The following GLCCI1 variants were observed in gnomAD, a reference collection of about 807,000 sequenced individuals.
GLCCI1 encodes the protein glucocorticoid-induced transcript 1 protein.
Under a neutral mutation model 52.2 loss-of-function variants are expected in GLCCI1, and 24 were observed. The observed-to-expected ratio is 0.46, with a 90% confidence interval of 0.33 to 0.65. The LOEUF (loss-of-function observed/expected upper bound fraction) is 0.65. GLCCI1 is among the 30% of genes least tolerant of loss of function. The probability of loss-of-function intolerance (pLI) is 0.02; values close to 1 mark genes in which losing one functional copy is unlikely to be tolerated. For synonymous variants in GLCCI1, 310 were observed against 276.5 expected, an observed-to-expected ratio of 1.12 and a Z score of -1.20; for missense variants, 704 against 701.5, an observed-to-expected ratio of 1.00 and a Z score of -0.04.
chr7:8,055,062 T>C (rs970780385), intron 3 of GLCCI1, among the ~76,000 whole-genome samples: 6 of 152,176 alleles, frequency 3.9e-5, no homozygotes, highest in Admixed American at 3.9e-4. Flanking sequence ...ATGTGGTGCA[T>C]ATGTTTAGAG....
chr7:8,021,306 A>G (rs1781479237), intron 2 of GLCCI1, among the ~76,000 whole-genome samples: 1 of 152,254 alleles, frequency 6.6e-6, no homozygotes, highest in South Asian at 2.1e-4. Flanking sequence ...AAAGCTGTAT[A>G]TAGTTACTGT....
chr7:7,987,769 T>A (rs1050177576), intron 1 of GLCCI1, among the ~76,000 whole-genome samples: 4 of 151,866 alleles, frequency 2.6e-5, no homozygotes, highest in African/African-American at 9.7e-5. Flanking sequence ...TTTTTTATTT[T>A]TTATTTTTTT....
chr7:8,086,647 T>A lies in GLCCI1; in HGVS notation c.*109T>A, dbSNP rs1035315437. 8.3e-6 allele frequency: 7 copies of A among 846,196 alleles called. No homozygotes were observed. The highest frequency in any genetic ancestry group is 3.6e-4 in the Middle Eastern group (1 of 2,752). 52.4% of individuals were successfully genotyped at this position (846,196 alleles called of 1,614,324 possible). A position where few individuals can be genotyped will look rare whatever the true frequency, so the allele number is the denominator to read the frequency against. ...ACACCACCACCACCAATAATACTTA[T>A]CAGCATCATAAAGTATCTCTTAAAC... On this transcript the variant is annotated 3_prime_UTR_variant, in exon 8 of 8. Coordinates refer to ENST00000223145, the MANE Select transcript of GLCCI1 (RefSeq NM_138426.4). The surrounding 1 kb of genome is among the most constrained non-coding windows in gnomAD (Gnocchi z 4.4).
chr7:8,064,859 C>T (rs1782596506), intron 5 of GLCCI1, among the ~76,000 whole-genome samples: 1 of 152,090 alleles, frequency 6.6e-6, no homozygotes. Flanking sequence ...AAGCGTGTGC[C>T]ACCATGCCCA....
intron 2 of GLCCI1, among the ~76,000 whole-genome samples, chr7:8,007,385 G>A (rs959219794): frequency 2.6e-5 from 4 of 152,092 alleles, no homozygotes; most frequent in Non-Finnish European, 4.4e-5. Context: ...CGTATTAAGC[G>A]TGAGGACAGT....
intron 6 of GLCCI1, among the ~76,000 whole-genome samples, chr7:8,083,706 C>T (rs1783043476): frequency 6.6e-6 from 1 of 152,014 alleles, no homozygotes; most frequent in Non-Finnish European, 1.5e-5. Flanking sequence ...AATAGTATAA[C>T]GTTATTATTT....
chr7:8,076,221 G>T (rs190920524), intron 6 of GLCCI1, among the ~76,000 whole-genome samples: 3 of 152,020 alleles, frequency 2.0e-5, no homozygotes, highest in Admixed American at 2.0e-4. Context: ...GGTTTATATT[G>T]TAAAAGCAGA....
chr7:8,035,887 G>A (rs1781856372), intron 3 of GLCCI1, among the ~76,000 whole-genome samples: 1 of 152,098 alleles, frequency 6.6e-6, no homozygotes, highest in African/African-American at 2.4e-5. Flanking sequence ...CCCGCTTCAG[G>A]GCTAGTGATT....
At chr7:8,041,886 G>A (rs10278791) in intron 3 of GLCCI1, among the ~76,000 whole-genome samples, 1 of 151,954 alleles carries the variant, frequency 6.6e-6, no homozygotes, top group Admixed American at 6.5e-5. Flanking sequence ...GCCACCACAC[G>A]CAGCTGCAGC....
intron 1 of GLCCI1, among the ~76,000 whole-genome samples, chr7:7,989,316 T>A (rs1423723331): frequency 3.4e-4 from 52 of 152,138 alleles, no homozygotes; most frequent in Non-Finnish European, 2.9e-5. Flanking sequence ...TCTGTCACAT[T>A]GGCAAGTATG....
Position 7,969,836 on chromosome 7 carries a change from G to A in GLCCI1, c.457+29G>A, listed in dbSNP as rs766215827. The A allele has an allele frequency of 1.7e-5, 24 of 1,396,486 alleles. No homozygotes were observed. Among genetic ancestry groups the A allele is most frequent in the Non-Finnish European group, 2.2e-5 (24 of 1,070,704 alleles). 86.5% of individuals were successfully genotyped at this position (1,396,486 alleles called of 1,614,324 possible). A position where few individuals can be genotyped will look rare whatever the true frequency, so the allele number is the denominator to read the frequency against. ...GCGAGCCCAACCCTCCCGTCCTCCC[G>A]GGCTGCGTCTCCCCGACGGTGCCCT... On this transcript the variant is annotated intron_variant, in intron 1 of 7. Transcript: ENST00000223145. The surrounding 1 kb of genome is among the most constrained non-coding windows in gnomAD (Gnocchi z 4.9).
At chr7:8,007,188 A>G (rs1044897521) in intron 2 of GLCCI1, among the ~76,000 whole-genome samples, 2 of 152,174 alleles carry the variant, frequency 1.3e-5, no homozygotes, top group Non-Finnish European at 2.9e-5. Flanking sequence ...TTATTTGAGA[A>G]GTTTGACATT....
chr7:7,995,164 A>C (rs1261089893), intron 1 of GLCCI1, among the ~76,000 whole-genome samples: 4 of 152,182 alleles, frequency 2.6e-5, no homozygotes, highest in Non-Finnish European at 5.9e-5. Flanking sequence ...ATAAAAAGCA[A>C]ATTTTGAGGG....
intron 3 of GLCCI1, among the ~76,000 whole-genome samples, chr7:8,034,982 C>G (rs1476873646): frequency 6.6e-6 from 1 of 152,146 alleles, no homozygotes; most frequent in Non-Finnish European, 1.5e-5. Flanking sequence ...TGATGGCAGG[C>G]CCAATATATT....
chr7:8,086,374 G>A lies in GLCCI1; in HGVS notation c.1480G>A (p.Val494Ile), dbSNP rs374066040. ...GQSSALATLT[V>I]EQLSSRVSFT... ...GAGCTCAGCTTTGGCAACTCTGACC[G>A]TTGAGCAGCTCTCATCCCGGGTTTC... Residue 494 changes from valine (V) to isoleucine (I), a missense_variant, in exon 8 of 8, where the codon GTT becomes ATT. By Grantham distance (29) the Val-to-Ile change is conservative (BLOSUM62 3). Around this residue, in one of 3 missense-constraint regions of GLCCI1, gnomAD observed 149 missense variants for 152.9 expected, o/e 0.97. Coordinates refer to ENST00000223145, the MANE Select transcript of GLCCI1 (RefSeq NM_138426.4). The surrounding 1 kb of genome is among the most constrained non-coding windows in gnomAD (Gnocchi z 4.4). The A allele has an allele frequency of 5.6e-6, 9 of 1,613,992 alleles. No homozygotes were observed. The highest frequency in any genetic ancestry group is 1.6e-4 in the Middle Eastern group (1 of 6,084).
chr7:7,970,508 A>G (rs1300988670), intron 1 of GLCCI1: 2 of 151,212 alleles, frequency 1.3e-5, no homozygotes, highest in South Asian at 2.1e-4. Flanking sequence ...TTTTCATGGT[A>G]AATTTCTGAA....
At position 7,969,300 on chromosome 7, in the gene GLCCI1, C is replaced by A. The variant is rs747340096; in HGVS notation, c.-51C>A. On this transcript the variant is annotated 5_prime_UTR_variant, in exon 1 of 8. Coordinates refer to ENST00000223145, the MANE Select transcript of GLCCI1 (RefSeq NM_138426.4). The surrounding 1 kb of genome is among the most constrained non-coding windows in gnomAD (Gnocchi z 4.9). ...GGCTCCCACACGCTCGCGCGCCTCC[C>A]GCCCCGCGCCTCCGTGTCGGCCGGC... The A allele has an allele frequency of 1.4e-5, 19 of 1,373,174 alleles. No homozygotes were observed. Among genetic ancestry groups the A allele is most frequent in the Non-Finnish European group, 1.7e-5 (18 of 1,054,630 alleles). 85.1% of individuals were successfully genotyped at this position (1,373,174 alleles called of 1,614,324 possible).
At chr7:8,080,169 T>G (rs1782966224) in intron 6 of GLCCI1, among the ~76,000 whole-genome samples, 1 of 151,594 alleles carries the variant, frequency 6.6e-6, no homozygotes, top group South Asian at 2.1e-4. Context: ...CTGATTTCAT[T>G]AGGCCTTCAA....
chr7:8,004,019 A>T lies in GLCCI1; in HGVS notation c.569A>T (p.His190Leu). ...YLTGQWPRDP[H>L]VHYPSCMKDK... ...ACAGGACAGTGGCCACGGGATCCTCATGTTCACTACCCTTCATGCATGAAA... is the reference window on the plus strand; with the variant it reads ...ACAGGACAGTGGCCACGGGATCCTCTTGTTCACTACCCTTCATGCATGAAA... The change falls in exon 2 of 8, where the codon CAT becomes CTT. Residue 190 changes from histidine to leucine, a missense_variant. Physicochemically the swap from His to Leu is moderately conservative, Grantham distance 99 (BLOSUM62 -3). Around this residue, in one of 3 missense-constraint regions of GLCCI1, gnomAD observed 547 missense variants for 524.8 expected, o/e 1.04. Coordinates refer to ENST00000223145, the MANE Select transcript of GLCCI1 (RefSeq NM_138426.4). 1 of 1,613,814 alleles carries T rather than the reference A, an allele frequency of 6.2e-7. No individual in the cohort carries two copies. Among genetic ancestry groups the T allele is most frequent in the Non-Finnish European group, 8.5e-7 (1 of 1,179,802 alleles).
Sources: allele counts gnomAD v4.1 joint callset (sites outside exome capture counted in the v4.1 genomes callset), GRCh38; gene constraint gnomAD v4.1.1; regional missense constraint gnomAD v4.1.1; non-coding constraint Gnocchi (gnomAD v3.1); transcripts MANE v1.5; gene names NCBI Gene and HGNC (gene_info 2026-07-23, HGNC 2026-07-21).